DIS3L2: variants seen among roughly 807,000 people sequenced by gnomAD.
DIS3L2 encodes the protein DIS3 like 3'-5' exoribonuclease 2.
Under a neutral mutation model 97.5 loss-of-function variants are expected in DIS3L2, and 34 were observed. The observed-to-expected ratio is 0.35, with a 90% CI of 0.27 to 0.46. DIS3L2 has a LOEUF of 0.46. Among genes scored for constraint, DIS3L2 ranks in the 20% least tolerant of loss-of-function variants. The probability of loss-of-function intolerance (pLI) is 1.00; values close to 1 mark genes in which losing one functional copy is unlikely to be tolerated. For synonymous variants in DIS3L2, 435 were observed against 445.2 expected (o/e 0.98, Z 0.29); for missense variants, 1,038 against 1,146.0 (o/e 0.91, Z 1.36).
At chr2:231,986,741 T>G (rs1693424841) in intron 1 of DIS3L2, among the ~76,000 whole-genome samples, 1 of 152,232 alleles carries the variant, frequency 6.6e-6, no homozygotes, top group Non-Finnish European at 1.5e-5. Flanking sequence ...TGGTAGAACC[T>G]GGATTCAAAC....
At position 232,238,556 on chromosome 2, in the gene DIS3L2, A is replaced by C; in HGVS notation, c.1228A>C (p.Ile410Leu). ...AGGCAACTTCAAAGTGGGAGTTCAC[A>C]TTGCTGACGTGAGTTACTTTGTTCC... Reference protein sequence around the residue: ...ADGNFKVGVHIADVSYFVPEG... With the variant: ...ADGNFKVGVHLADVSYFVPEG... Residue 410 changes from isoleucine (I) to leucine (L), a missense_variant, in exon 11 of 21, where the codon ATT becomes CTT. Coordinates refer to ENST00000325385, the MANE Select transcript of DIS3L2 (RefSeq NM_152383.5). The C allele has an allele frequency of 6.2e-7, 1 of 1,614,138 alleles. No homozygotes were observed. The highest frequency in any genetic ancestry group is 2.2e-5 in the East Asian group (1 of 44,882).
chr2:232,018,815 C>A (rs1164569789), intron 3 of DIS3L2, among the ~76,000 whole-genome samples: 2 of 152,010 alleles, frequency 1.3e-5, no homozygotes, highest in Non-Finnish European at 2.9e-5. Flanking sequence ...CCACAGTTTC[C>A]TCTTTCCAGT....
chr2:232,202,858 A>G (rs914455080), intron 9 of DIS3L2, among the ~76,000 whole-genome samples: 19 of 152,254 alleles, frequency 1.2e-4, no homozygotes, highest in African/African-American at 4.6e-4. Context: ...GTGAAACAGT[A>G]TTATGATATT....
At chr2:232,135,087 T>C (rs1472235571) in intron 7 of DIS3L2, among the ~76,000 whole-genome samples, 1 of 152,008 alleles carries the variant, frequency 6.6e-6, no homozygotes, top group East Asian at 1.9e-4. Context: ...CAGATGATGC[T>C]GAGGTGTGGC....
intron 14 of DIS3L2, among the ~76,000 whole-genome samples, chr2:232,320,140 G>T (rs1559210882): frequency 1.3e-5 from 2 of 151,440 alleles, no homozygotes; most frequent in African/African-American, 2.4e-5. Context: ...TGCCACGTGG[G>T]GTGGGCACAT....
rs759915701 is a variant in DIS3L2, at chr2:232,263,213, G to A, written c.1432G>A (p.Asp478Asn). Reference protein sequence around the residue: ...WTLTPEGKILDEWFGRTIIRS... With the variant: ...WTLTPEGKILNEWFGRTIIRS... ...AATCTGTCCATCTTTGCAGATCCTT[G>A]ATGAATGGTTTGGCCGGACCATCAT... Residue 478 changes from aspartate (D) to asparagine (N), a missense_variant, in exon 13 of 21, where the codon GAT (aspartate) becomes AAT (asparagine). Physicochemically the swap from Asp to Asn is conservative, Grantham distance 23. Transcript: ENST00000325385. 6.2e-7 allele frequency: 1 copy of A among 1,614,156 alleles called. No individual in the cohort carries two copies. The highest frequency in any genetic ancestry group is 1.1e-5 in the South Asian group (1 of 91,068).
At position 232,207,520 on chromosome 2, in the gene DIS3L2, A is replaced by G. The variant is rs1692062971; in HGVS notation, c.1125-2806A>G. Among the ~76,000 whole-genome samples, 3 of 152,174 alleles carry G rather than the reference A, an allele frequency of 2.0e-5. 1 individual carries two copies. Among genetic ancestry groups the G allele is most frequent in the Admixed American group, 2.0e-4 (3 of 15,282 alleles). Reference sequence around the variant, plus strand: ...CACTCTTGCTTACAACCTCTTTTATATAGTGGAACCAAAATTACTTCTGTA... The same window carrying G: ...CACTCTTGCTTACAACCTCTTTTATGTAGTGGAACCAAAATTACTTCTGTA... On this transcript the variant is annotated intron_variant, in intron 9 of 20. Coordinates refer to ENST00000325385, the MANE Select transcript of DIS3L2 (RefSeq NM_152383.5).
At chr2:232,171,385 A>G (rs998488833) in intron 9 of DIS3L2, among the ~76,000 whole-genome samples, 4 of 152,206 alleles carry the variant, frequency 2.6e-5, no homozygotes, top group African/African-American at 7.2e-5. Context: ...TAGCTCTAAC[A>G]GAGCATGACT....
intron 5 of DIS3L2, among the ~76,000 whole-genome samples, chr2:232,059,684 C>A (rs905722235): frequency 1.1e-4 from 16 of 152,080 alleles, no homozygotes; most frequent in Non-Finnish European, 1.6e-4. Context: ...GTCTTTATTT[C>A]CCTGAGTACC....
chr2:232,166,453 CG>C (rs1690822172), intron 9 of DIS3L2, among the ~76,000 whole-genome samples: 1 of 151,992 alleles, frequency 6.6e-6, no homozygotes, highest in Non-Finnish European at 1.5e-5. Context: ...GGCCGGGCGC[CG>C]TGGCTCAACG....
chr2:232,209,140 G>T (rs1692114691), intron 9 of DIS3L2, among the ~76,000 whole-genome samples: 1 of 152,136 alleles, frequency 6.6e-6, no homozygotes, highest in Non-Finnish European at 1.5e-5. Flanking sequence ...TCTTAGGATG[G>T]AAGTATTGTG....
chr2:232,091,461 T>G (rs1426564573), intron 6 of DIS3L2, among the ~76,000 whole-genome samples: 1 of 152,166 alleles, frequency 6.6e-6, no homozygotes, highest in Non-Finnish European at 1.5e-5. Context: ...TCCAATTCCA[T>G]TAATGTTGCA....
At chr2:232,027,684 T>G (rs1008130419) in intron 4 of DIS3L2, among the ~76,000 whole-genome samples, 1 of 152,220 alleles carries the variant, frequency 6.6e-6, no homozygotes, top group Non-Finnish European at 1.5e-5. Flanking sequence ...AATAATACTT[T>G]GTTTTAGGGG....
At chr2:232,219,961 TAAGA>T (rs546484167) in intron 10 of DIS3L2, among the ~76,000 whole-genome samples, 278 of 152,256 alleles carry the variant, frequency 1.8e-3, no homozygotes, top group Non-Finnish European at 3.5e-3. Flanking sequence ...TCTTACTAGT[TAAGA>T]AATGCCTTTA....
intron 13 of DIS3L2, among the ~76,000 whole-genome samples, chr2:232,289,273 C>T (rs918263994): frequency 6.6e-5 from 10 of 151,158 alleles, no homozygotes; most frequent in Non-Finnish European, 1.3e-4. Flanking sequence ...GAGACTTGTC[C>T]AGGCCTTGCC....
At chr2:231,970,863 C>A (rs1260618439) in intron 1 of DIS3L2, among the ~76,000 whole-genome samples, 1 of 152,090 alleles carries the variant, frequency 6.6e-6, no homozygotes, top group Non-Finnish European at 1.5e-5. Context: ...GCTTAAAACA[C>A]AAACACATTG....
chr2:232,105,416 C>T (rs1033574049), intron 6 of DIS3L2, among the ~76,000 whole-genome samples: 2 of 152,274 alleles, frequency 1.3e-5, no homozygotes, highest in South Asian at 4.1e-4. Flanking sequence ...TATAGAAAAT[C>T]TTGAAATAAT....
intron 5 of DIS3L2, among the ~76,000 whole-genome samples, chr2:232,053,812 C>T (rs949282552): frequency 6.6e-6 from 1 of 152,160 alleles, no homozygotes; most frequent in African/African-American, 2.4e-5. Context: ...GTTTACCAAC[C>T]CTGAAGCTTT....
chr2:232,210,868 G>C (rs1198592881), intron 10 of DIS3L2, among the ~76,000 whole-genome samples: 1 of 151,878 alleles, frequency 6.6e-6, no homozygotes, highest in African/African-American at 2.4e-5. Context: ...CCTGAGAACT[G>C]CCTCTCTAGG....
Sources: allele counts gnomAD v4.1 joint callset (sites outside exome capture counted in the v4.1 genomes callset), GRCh38; gene constraint gnomAD v4.1.1; transcripts MANE v1.5; gene names NCBI Gene and HGNC (gene_info 2026-07-23, HGNC 2026-07-21).